Variants in RARA observed in about 807,000 individuals in gnomAD.
The protein encoded by RARA is retinoic acid receptor alpha.
In RARA, 5 loss-of-function variants were observed where a neutral mutation model predicts 42.8. The observed-to-expected ratio is 0.12, with a 90% CI of 0.06 to 0.25. The LOEUF (loss-of-function observed/expected upper bound fraction) is 0.25, where lower values mean the gene tolerates loss of function less well. Ranked by LOEUF, RARA falls within the 10% of genes least tolerant of loss-of-function variation. The pLI, the probability that RARA is intolerant of heterozygous loss-of-function variation, is 1.00. For missense variants in RARA, 402 were observed against 628.7 expected, an observed-to-expected ratio of 0.64 and a Z score of 3.86; for synonymous variants, 256 against 259.5, an observed-to-expected ratio of 0.99 and a Z score of 0.13.
chr17:40,347,364 C>G (rs1598576445), intron 2 of RARA, among the ~76,000 whole-genome samples: 2 of 152,302 alleles, frequency 1.3e-5, no homozygotes, highest in East Asian at 1.9e-4. Flanking sequence ...CACCCAACAC[C>G]CTTAGCTGCC....
At position 40,345,840 on chromosome 17, in the gene RARA, C is replaced by T. The variant is rs1018340560; in HGVS notation, c.179-2476C>T. The stretch of plus-strand genomic sequence containing the variant: ...ACTCTTGCAGAGGCTGTGAGGATTC[C>T]GGAGTTCCCCACACCTCCGGCCTTG... On this transcript the variant is annotated intron_variant, in intron 2 of 8. Coordinates refer to ENST00000254066, the MANE Select transcript of RARA (RefSeq NM_000964.4). The surrounding 1 kb of genome is among the most constrained non-coding windows in gnomAD (Gnocchi z 4.8). 1.3e-5 allele frequency among the ~76,000 whole-genome samples: 2 copies of T among 152,168 alleles called. No individual in the cohort carries two copies. The highest frequency in any genetic ancestry group is 2.9e-5 in the Non-Finnish European group (2 of 68,018).
At chr17:40,342,000 C>T (rs2034070280) in intron 2 of RARA, 1 of 1,098,722 alleles carries the variant, frequency 9.1e-7, no homozygotes, top group Non-Finnish European at 1.1e-6. Flanking sequence ...ACTTGCCTGT[C>T]CACATGCCGC....
At chr17:40,313,649 A>G (rs1294262536) in intron 1 of RARA, among the ~76,000 whole-genome samples, 1 of 152,094 alleles carries the variant, frequency 6.6e-6, no homozygotes, top group African/African-American at 2.4e-5. Context: ...TGTTCCAGAC[A>G]GGCCTTAATC....
rs1185632423 is a variant in RARA at position 40,326,727 on chromosome 17, G to A, written c.-362-4130G>A. 1.3e-5 allele frequency among the ~76,000 whole-genome samples: 2 copies of A among 152,162 alleles called. No individual in the cohort carries two copies. Among genetic ancestry groups the A allele is most frequent in the African/African-American group, 2.4e-5 (1 of 41,436 alleles). On this transcript the variant is annotated intron_variant, in intron 1 of 8. Coordinates refer to ENST00000254066, the MANE Select transcript of RARA (RefSeq NM_000964.4). This position sits in a 1 kb window ranked among gnomAD's most constrained non-coding sequence, Gnocchi z 5.2. The stretch of plus-strand genomic sequence containing the variant: ...GTGGAGGTGGCTGGCATAGGGTGGA[G>A]GTTGGATGTGGGTAGTTTGTTTTCC...
chr17:40,312,693 C>T (rs2033121395), intron 1 of RARA, among the ~76,000 whole-genome samples: 1 of 152,170 alleles, frequency 6.6e-6, no homozygotes, highest in South Asian at 2.1e-4. Context: ...CCGGGCTGGA[C>T]TGGGTGGAAG....
Position 40,345,719 on chromosome 17 carries a change from A to G in RARA, c.179-2597A>G, listed in dbSNP as rs1598574116. On this transcript the variant is annotated intron_variant, in intron 2 of 8. Coordinates refer to ENST00000254066, the MANE Select transcript of RARA (RefSeq NM_000964.4). The surrounding 1 kb of genome is among the most constrained non-coding windows in gnomAD (Gnocchi z 4.8). ...TGGTGGGCTGGGCCTCTGGGGAGGG[A>G]GGTTAGCAGGGATGGGCCAGGCCCG... 2.0e-5 allele frequency among the ~76,000 whole-genome samples: 3 copies of G among 151,952 alleles called. No homozygotes were observed. The highest frequency in any genetic ancestry group is 2.0e-4 in the Admixed American group (3 of 15,288).
At chr17:40,342,397 C>T in intron 2 of RARA, 4 of 1,146,382 alleles carry the variant, frequency 3.5e-6, no homozygotes, top group Admixed American at 4.7e-5. Context: ...CCACGAGACT[C>T]TAGACGGGAG....
rs774978534 is a variant in RARA, at chr17:40,349,900, C to T, written c.444C>T (p.Cys148=). 22 of 1,614,086 alleles carry T rather than the reference C, an allele frequency of 1.4e-5. No homozygotes were observed. Among genetic ancestry groups the T allele is most frequent in the South Asian group, 1.2e-4 (11 of 91,086 alleles). ...GCCAGTACTGCCGACTGCAGAAGTG[C>T]TTTGAAGTGGGCATGTCCAAGGAGT... ...NRCQYCRLQK[C]FEVGMSKESV... is the part of the protein sequence containing the mutation. Residue 148 remains cysteine (C), a synonymous_variant, in exon 4 of 9, where the codon TGC becomes TGT. Coordinates refer to ENST00000254066, the MANE Select transcript of RARA (RefSeq NM_000964.4).
rs549723980 is a variant in RARA, at chr17:40,342,563, G to A, written c.179-5753G>A. Reference sequence around the variant, plus strand: ...AGACGCGGGGACTTCAGGGCAGGGGGCGCCCCCTGCCCGGGTCACCAGTCG... The same window carrying A: ...AGACGCGGGGACTTCAGGGCAGGGGACGCCCCCTGCCCGGGTCACCAGTCG... On this transcript the variant is annotated intron_variant, in intron 2 of 8. Coordinates refer to ENST00000254066, the MANE Select transcript of RARA (RefSeq NM_000964.4). 271 of 1,360,986 alleles carry A rather than the reference G, an allele frequency of 2.0e-4. 1 individual carries two copies. In the African/African-American group the frequency reaches 3.8e-3, roughly 19 times the overall value. 84.3% of individuals were successfully genotyped at this position (1,360,986 alleles called of 1,614,324 possible).
In RARA at chr17:40,320,111, A is replaced by G. The variant is rs1464654991; in HGVS notation, c.-362-10746A>G. 1.3e-5 allele frequency among the ~76,000 whole-genome samples: 2 copies of G among 152,022 alleles called. No homozygotes were observed. The highest frequency in any genetic ancestry group is 2.9e-5 in the Non-Finnish European group (2 of 67,980). On this transcript the variant is annotated intron_variant, in intron 1 of 8. Transcript: ENST00000254066. The surrounding 1 kb of genome is among the most constrained non-coding windows in gnomAD (Gnocchi z 4.1). The stretch of plus-strand genomic sequence containing the variant: ...ATTTTGAGGGTGTGATTGAGTGTAT[A>G]TGAGGTGTCACTGCAGGGGTTTCAC...
chr17:40,354,714 G>A lies in RARA; in HGVS notation c.1012+208G>A, dbSNP rs930254482. ...CCCCTTCTAGGGAGGTTAAGAGTGA[G>A]GGTTTGAGGGTCGGACCAACCAGGG... On this transcript the variant is annotated intron_variant, in intron 7 of 8. Transcript: ENST00000254066. The surrounding 1 kb of genome is among the most constrained non-coding windows in gnomAD (Gnocchi z 4.5). Among the ~76,000 whole-genome samples the A allele has an allele frequency of 1.3e-5, 2 of 152,190 alleles. No homozygotes were observed. The highest frequency in any genetic ancestry group is 6.5e-5 in the Admixed American group (1 of 15,284).
intron 2 of RARA, among the ~76,000 whole-genome samples, chr17:40,344,030 G>A (rs371665563): frequency 2.6e-5 from 4 of 151,924 alleles, no homozygotes; most frequent in Non-Finnish European, 5.9e-5. Context: ...AAGCTCTTCC[G>A]TGGAGGATCT....
At position 40,356,826 on chromosome 17, in the gene RARA, T is replaced by TG. The variant is rs1159214379; in HGVS notation, c.*606dup. 1.7e-5 allele frequency: 4 copies of TG among 238,696 alleles called. No individual in the cohort carries two copies. Among genetic ancestry groups the TG allele is most frequent in the African/African-American group, 6.9e-5 (2 of 28,880 alleles). The allele number at this position is 238,696 out of a possible 1,614,324, so 14.8% of individuals were successfully genotyped here. A position where few individuals can be genotyped will look rare whatever the true frequency, so the allele number is the denominator to read the frequency against. ...TACTGAAGGAATTTGTGCTGTGTAT[T>TG]GGGGGGAGCTGGATCCAGAGCTGGA... On this transcript the variant is annotated 3_prime_UTR_variant, in exon 9 of 9. Transcript: ENST00000254066.
In RARA at chr17:40,354,737, G is replaced by C. The variant is rs1417040090; in HGVS notation, c.1012+231G>C. 6.6e-6 allele frequency among the ~76,000 whole-genome samples: 1 copy of C among 152,286 alleles called. No homozygotes were observed. Among genetic ancestry groups the C allele is most frequent in the East Asian group, 1.9e-4 (1 of 5,184 alleles). On this transcript the variant is annotated intron_variant, in intron 7 of 8. Coordinates refer to ENST00000254066, the MANE Select transcript of RARA (RefSeq NM_000964.4). The surrounding 1 kb of genome is among the most constrained non-coding windows in gnomAD (Gnocchi z 4.5). ...GAGGGTTTGAGGGTCGGACCAACCA[G>C]GGTCACCTCCTGGCCGATGCATGAC...
Position 40,320,956 on chromosome 17 carries a change from G to A in RARA, c.-362-9901G>A, listed in dbSNP as rs1287684371. Among the ~76,000 whole-genome samples the A allele has an allele frequency of 1.3e-5, 2 of 152,134 alleles. No homozygotes were observed. Among genetic ancestry groups the A allele is most frequent in the African/African-American group, 4.8e-5 (2 of 41,424 alleles). On this transcript the variant is annotated intron_variant, in intron 1 of 8. Transcript: ENST00000254066. The surrounding 1 kb of genome is among the most constrained non-coding windows in gnomAD (Gnocchi z 4.1). ...GACCAGTGTTGTCTTGACTTACTGG[G>A]TTTTGGGAAAGGAGTATGGCAACTG...
At chr17:40,331,598 G>T (rs1451973376) in intron 2 of RARA, among the ~76,000 whole-genome samples, 2 of 152,180 alleles carry the variant, frequency 1.3e-5, no homozygotes, top group Non-Finnish European at 1.5e-5. Context: ...GGTTGTGTTT[G>T]AAGTTGGGGG....
At chr17:40,347,217 G>C (rs2034295415) in intron 2 of RARA, among the ~76,000 whole-genome samples, 1 of 152,184 alleles carries the variant, frequency 6.6e-6, no homozygotes, top group African/African-American at 2.4e-5. Flanking sequence ...AGGAGGCAGG[G>C]ATCTGTCTAC....
chr17:40,343,158 G>A, intron 2 of RARA: 1 of 352,700 alleles, frequency 2.8e-6, no homozygotes, highest in Non-Finnish European at 4.8e-6. Context: ...TGAAGCCCAA[G>A]CCCCTTGCCC....
rs540353678 is a variant in RARA, at chr17:40,346,647, C to G, written c.179-1669C>G. Among the ~76,000 whole-genome samples, 342 of 152,314 alleles carry G rather than the reference C, an allele frequency of 2.2e-3. 2 individuals carry two copies. Among genetic ancestry groups the G allele is most frequent in the African/African-American group, 7.8e-3 (323 of 41,558 alleles). On this transcript the variant is annotated intron_variant, in intron 2 of 8. Transcript: ENST00000254066. ...CACCCAGGCCCCCCAACCCCGCCCC[C>G]CCAGCAGCTGTTCTCAGGCCTCTCA...
Sources: allele counts gnomAD v4.1 joint callset (sites outside exome capture counted in the v4.1 genomes callset), GRCh38; gene constraint gnomAD v4.1.1; non-coding constraint Gnocchi (gnomAD v3.1); transcripts MANE v1.5; gene names NCBI Gene and HGNC (gene_info 2026-07-23, HGNC 2026-07-21).